ATP2B2: variants seen among roughly 807,000 people sequenced by gnomAD.
ATP2B2 encodes the protein plasma membrane calcium-transporting ATPase 2.
In ATP2B2, 15 loss-of-function variants were observed where a neutral mutation model predicts 120.0. The observed-to-expected ratio is 0.12, with a 90% CI of 0.08 to 0.19. The LOEUF (loss-of-function observed/expected upper bound fraction) is 0.19. Among genes scored for constraint, ATP2B2 ranks in the 10% least tolerant of loss-of-function variants. The pLI is 1.00. For synonymous variants in ATP2B2, 694 were observed against 700.3 expected, an observed-to-expected ratio of 0.99 and a Z score of 0.14; for missense variants, 1,045 against 1,719.8, an observed-to-expected ratio of 0.61 and a Z score of 6.94.
At chr3:10,478,444 T>C (rs1289959368) in intron 1 of ATP2B2, among the ~76,000 whole-genome samples, 1 of 152,238 alleles carries the variant, frequency 6.6e-6, no homozygotes, top group Non-Finnish European at 1.5e-5. Flanking sequence ...AAATCATTGC[T>C]ATATTCAGTG....
intron 1 of ATP2B2, among the ~76,000 whole-genome samples, chr3:10,479,853 T>C (rs140729888): frequency 0.011 from 1,620 of 152,246 alleles, 12 homozygotes; most frequent in Non-Finnish European, 0.015. Flanking sequence ...CTCAGCACTT[T>C]AGGAGGCCAA....
intron 2 of ATP2B2, among the ~76,000 whole-genome samples, chr3:10,607,000 C>CAG (rs57334112): frequency 6.8e-6 from 1 of 146,020 alleles, no homozygotes; most frequent in Non-Finnish European, 1.5e-5. Flanking sequence ...GAGAGAGAGA[C>CAG]AGAGAGAGAG....
chr3:10,485,019 C>T (rs1242149266), intron 1 of ATP2B2, among the ~76,000 whole-genome samples: 2 of 152,140 alleles, frequency 1.3e-5, no homozygotes, highest in African/African-American at 4.8e-5. Context: ...TGACGCAGAC[C>T]CCCTCTGTGA....
chr3:10,683,589 C>T (rs2071433693), intron 1 of ATP2B2, among the ~76,000 whole-genome samples: 1 of 151,482 alleles, frequency 6.6e-6, no homozygotes, highest in African/African-American at 2.4e-5. Flanking sequence ...CTATCACTGC[C>T]AGCACCACTT....
chr3:10,687,640 C>T (rs966119883), intron 1 of ATP2B2, among the ~76,000 whole-genome samples: 1 of 152,154 alleles, frequency 6.6e-6, no homozygotes, highest in Admixed American at 6.5e-5. Flanking sequence ...AAGGGCCAAT[C>T]ATTTGAGGGC....
intron 2 of ATP2B2, among the ~76,000 whole-genome samples, chr3:10,581,534 G>A (rs955249268): frequency 2.0e-5 from 3 of 152,308 alleles, no homozygotes; most frequent in Admixed American, 6.5e-5. Context: ...ATGTTTGTGG[G>A]CGATTCATCC....
chr3:10,351,641 A>G (rs1296004812), intron 14 of ATP2B2, among the ~76,000 whole-genome samples: 1 of 152,234 alleles, frequency 6.6e-6, no homozygotes, highest in Non-Finnish European at 1.5e-5. Context: ...CCTAAGCCCC[A>G]GTACCTGTGT....
chr3:10,394,744 C>T (rs1040294456), intron 5 of ATP2B2, among the ~76,000 whole-genome samples: 3 of 151,490 alleles, frequency 2.0e-5, no homozygotes, highest in African/African-American at 7.3e-5. Flanking sequence ...TGACCTCATG[C>T]TGTTAGTGCT....
chr3:10,561,328 G>A (rs2067899098), intron 2 of ATP2B2, among the ~76,000 whole-genome samples: 1 of 152,170 alleles, frequency 6.6e-6, no homozygotes, highest in Admixed American at 6.5e-5. Context: ...GGACGAGGTG[G>A]GGCACAGCTG....
chr3:10,389,109 C>T (rs2124880530), intron 5 of ATP2B2, among the ~76,000 whole-genome samples: 1 of 152,334 alleles, frequency 6.6e-6, no homozygotes, highest in South Asian at 2.1e-4. Flanking sequence ...GAACCACTTT[C>T]CTAGAACTTT....
chr3:10,703,000 C>T (rs1209156878), intron 1 of ATP2B2, among the ~76,000 whole-genome samples: 5 of 152,182 alleles, frequency 3.3e-5, no homozygotes, highest in Admixed American at 6.5e-5. Flanking sequence ...AGCTATGCAG[C>T]CCCTCTCCTT....
chr3:10,433,484 C>A (rs963565270), intron 2 of ATP2B2, among the ~76,000 whole-genome samples: 1 of 152,014 alleles, frequency 6.6e-6, no homozygotes, highest in African/African-American at 2.4e-5. Flanking sequence ...GTTAGGATAC[C>A]CAAAGATAAG....
At chr3:10,491,707 A>T (rs2065941558) in intron 1 of ATP2B2, among the ~76,000 whole-genome samples, 1 of 152,224 alleles carries the variant, frequency 6.6e-6, no homozygotes, top group Non-Finnish European at 1.5e-5. Context: ...TGTGGGCTAC[A>T]CATAAAATGA....
In ATP2B2 at chr3:10,526,304, G is replaced by A. The variant is rs370506876; in HGVS notation, c.-320+7735C>T. On this transcript the variant is annotated intron_variant, in intron 3 of 21. Coordinates refer to the ATP2B2 transcript ENST00000646379. The stretch of plus-strand genomic sequence containing the variant: ...CGGCCAACAGAAGCAGAAGACCCTT[G>A]AGCATGACCCCCAGACTGTCCTCAA... Among the ~76,000 whole-genome samples, 6 of 152,200 alleles carry A rather than the reference G, an allele frequency of 3.9e-5. No homozygotes were observed. In the South Asian group the frequency reaches 1.2e-3, roughly 32 times the overall value.
At chr3:10,667,260 G>C (rs1345057080) in intron 1 of ATP2B2, among the ~76,000 whole-genome samples, 1 of 152,226 alleles carries the variant, frequency 6.6e-6, no homozygotes, top group Non-Finnish European at 1.5e-5. Flanking sequence ...CTGAGGCAGA[G>C]AGGTAATGCC....
intron 1 of ATP2B2, among the ~76,000 whole-genome samples, chr3:10,686,048 T>TC (rs2071513992): frequency 6.9e-6 from 1 of 145,784 alleles, no homozygotes; most frequent in Non-Finnish European, 1.5e-5. Context: ...CCTTTCTTTT[T>TC]TTTTTTTTTT....
intron 2 of ATP2B2, among the ~76,000 whole-genome samples, chr3:10,445,995 C>T (rs1388737197): frequency 6.6e-6 from 1 of 152,220 alleles, no homozygotes; most frequent in Non-Finnish European, 1.5e-5. Context: ...CCTTGTCCTA[C>T]AGTGGATGCC....
intron 7 of ATP2B2, among the ~76,000 whole-genome samples, chr3:10,386,155 G>A (rs951083782): frequency 1.4e-4 from 22 of 152,188 alleles, no homozygotes. Flanking sequence ...GGGGAGAGCA[G>A]GGCCTGAGGG....
At chr3:10,685,773 G>C (rs1426533509) in intron 1 of ATP2B2, among the ~76,000 whole-genome samples, 14 of 152,222 alleles carry the variant, frequency 9.2e-5, no homozygotes, top group African/African-American at 3.1e-4. Flanking sequence ...ACTTATGCCT[G>C]AACGTTTATG....
Sources: gnomAD v4.1 joint callset for allele counts (sites outside exome capture counted in the v4.1 genomes callset) on GRCh38, gnomAD v4.1.1 for gene constraint, MANE v1.5 for transcripts, NCBI Gene and HGNC (gene_info 2026-07-23, HGNC 2026-07-21) for gene names.